The following CHFR variants were observed in gnomAD, a reference collection of about 807,000 sequenced individuals.
CHFR encodes checkpoint with forkhead and ring finger domains.
In CHFR, 57 loss-of-function variants were observed where a neutral mutation model predicts 87.6. That is an observed-to-expected ratio of 0.65 (90% CI 0.53 to 0.81). The LOEUF is 0.81. Among genes scored for constraint, CHFR ranks in the 30% least tolerant of loss-of-function variants. CHFR has a pLI of 0.00. For synonymous variants in CHFR, 381 were observed against 359.2 expected, an observed-to-expected ratio of 1.06 and a Z score of -0.69; for missense variants, 797 against 865.8, an observed-to-expected ratio of 0.92 and a Z score of 1.00.
intron 10 of CHFR, 178 bp from the exon 11 acceptor site, chr12:132,853,751 C>G (rs146337818): frequency 4.4e-6 from 3 of 686,590 alleles, no homozygotes; most frequent in Non-Finnish European, 6.8e-6. Context: ...GGGACCAGAA[C>G]GAGTCGAAGG....
rs1950699977 is a variant in CHFR, at chr12:132,841,337, G to A, written c.*217C>T. The A allele has an allele frequency of 7.3e-6, 4 of 550,320 alleles. No individual in the cohort carries two copies. Among genetic ancestry groups the A allele is most frequent in the Admixed American group, 3.3e-5 (1 of 30,296 alleles). 34.1% of individuals were successfully genotyped at this position (550,320 alleles called of 1,614,324 possible). A position where few individuals can be genotyped will look rare whatever the true frequency, so the allele number is the denominator to read the frequency against. Reference sequence around the variant, plus strand: ...GATGCCACCACGAGCCCTGCCCAGCGCTCACCAGGAGGGCGGGCTGCGGCC... The same window carrying A: ...GATGCCACCACGAGCCCTGCCCAGCACTCACCAGGAGGGCGGGCTGCGGCC... On this transcript the variant is annotated 3_prime_UTR_variant, in exon 18 of 18. Coordinates refer to ENST00000450056, the MANE Select transcript of CHFR (RefSeq NM_001161346.2).
chr12:132,856,608 ATCT>A lies in CHFR; in HGVS notation c.1086_1088del (p.Glu362del), dbSNP rs1951075030. ...TATTTCTGGCATCCATACTTTGCAC[ATCT>A]TCTTCACTGCGACTCTTGTCTAGAA... On this transcript the variant is annotated inframe_deletion, in exon 10 of 18. Transcript: ENST00000450056. 2 of 1,614,144 alleles carry A rather than the reference ATCT, an allele frequency of 1.2e-6. No individual in the cohort carries two copies. The highest frequency in any genetic ancestry group is 1.7e-6 in the Non-Finnish European group (2 of 1,179,986).
intron 6 of CHFR, chr12:132,862,289 A>T (rs1476685318): frequency 1.2e-5 from 3 of 250,418 alleles, no homozygotes; most frequent in Admixed American, 5.2e-5. Context: ...AAAAAAAAAT[A>T]AAAATAAAAA....
intron 2 of CHFR, among the ~76,000 whole-genome samples, chr12:132,885,461 T>C (rs1026433272): frequency 6.6e-6 from 1 of 151,912 alleles, no homozygotes; most frequent in Non-Finnish European, 1.5e-5. Context: ...AATAAATTTC[T>C]GTTGCTTAAG....
rs1950659602 is a variant in CHFR, at chr12:132,837,797, TCAGA to T, written c.*3753_*3756del. 6.6e-6 allele frequency: 1 copy of T among 152,234 alleles called. No individual in the cohort carries two copies. The highest frequency in any genetic ancestry group is 1.5e-5 in the Non-Finnish European group (1 of 68,116). 9.4% of individuals were successfully genotyped at this position (152,234 alleles called of 1,614,324 possible). ...CTTCTCTACACGGCTGCAGCCGCCCTCAGAAGGCGCAGGAGCTAGCGTGCATGCC... is the reference window on the plus strand; with the variant it reads ...CTTCTCTACACGGCTGCAGCCGCCCTAGGCGCAGGAGCTAGCGTGCATGCC... On this transcript the variant is annotated 3_prime_UTR_variant, in exon 18 of 18. Transcript: ENST00000450056.
chr12:132,865,653 CTTTTTTTT>C lies in CHFR; in HGVS notation c.583+3958_583+3965del, dbSNP rs57560560. On this transcript the variant is annotated intron_variant, in intron 6 of 17. Coordinates refer to ENST00000450056, the MANE Select transcript of CHFR (RefSeq NM_001161346.2). ...TTCCCAAAGTGCTGGGATTACAGGT[CTTTTTTTT>C]TTTTTTTTTTTTTTTTGAGATGGGC... 8.4e-3 allele frequency among the ~76,000 whole-genome samples: 488 copies of C among 58,248 alleles called. 2 individuals carry two copies. Among genetic ancestry groups the C allele is most frequent in the African/African-American group, 0.031 (461 of 15,018 alleles). The allele number at this position is 58,248 out of a possible 152,430, so 38.2% of individuals were successfully genotyped here. A position where few individuals can be genotyped will look rare whatever the true frequency, so the allele number is the denominator to read the frequency against.
At chr12:132,880,279 G>A (rs148702719) in intron 2 of CHFR, among the ~76,000 whole-genome samples, 83 of 152,236 alleles carry the variant, frequency 5.5e-4, no homozygotes, top group African/African-American at 1.9e-3. Context: ...TCTTAGTGCC[G>A]TTGGGTCTTG....
chr12:132,882,094 C>T (rs745584051), intron 2 of CHFR, among the ~76,000 whole-genome samples: 3 of 152,160 alleles, frequency 2.0e-5, no homozygotes, highest in Non-Finnish European at 4.4e-5. Flanking sequence ...AGACTGCACA[C>T]TTATGTTTAT....
intron 2 of CHFR, among the ~76,000 whole-genome samples, chr12:132,884,208 C>G (rs2137073537): frequency 6.6e-6 from 1 of 152,140 alleles, no homozygotes; most frequent in East Asian, 1.9e-4. Context: ...CACCTGAGGT[C>G]AGGAGTTCAA....
At chr12:132,844,251 C>A (rs1034550622) in intron 15 of CHFR, 117 bp from the exon 16 acceptor site, 8 of 658,216 alleles carry the variant, frequency 1.2e-5, no homozygotes, top group Non-Finnish European at 2.3e-5. Context: ...CAACGGGCGA[C>A]ACATTAGGAA....
At chr12:132,886,216 C>T (rs1951889809) in intron 2 of CHFR, among the ~76,000 whole-genome samples, 1 of 152,022 alleles carries the variant, frequency 6.6e-6, no homozygotes, top group African/African-American at 2.4e-5. Flanking sequence ...GAGGCTGAGG[C>T]GGGAGAATCA....
At chr12:132,847,297 C>T (rs930779004) in intron 14 of CHFR, 167 bp from the exon 15 acceptor site, 20 of 1,379,192 alleles carry the variant, frequency 1.5e-5, no homozygotes, top group African/African-American at 1.2e-4. Context: ...GCCTGCAGCA[C>T]GAGAAGTCTT....
intron 6 of CHFR, among the ~76,000 whole-genome samples, chr12:132,863,713 A>G (rs945885123): frequency 3.3e-5 from 5 of 152,146 alleles, no homozygotes; most frequent in East Asian, 1.9e-4. Flanking sequence ...AGCCAGAGTC[A>G]TAACGACAGG....
chr12:132,852,038 C>T (rs545741374), intron 11 of CHFR, among the ~76,000 whole-genome samples: 33 of 151,948 alleles, frequency 2.2e-4, no homozygotes, highest in Non-Finnish European at 4.7e-4. Flanking sequence ...GGCTGGACTG[C>T]AGTGGCGTGA....
intron 15 of CHFR, among the ~76,000 whole-genome samples, chr12:132,845,776 C>T (rs1950808795): frequency 7.4e-6 from 1 of 135,728 alleles, no homozygotes; most frequent in African/African-American, 2.5e-5. Flanking sequence ...TCACCAAGTC[C>T]CCGAGGGTCC....
rs1258809708 is a variant in CHFR, at chr12:132,869,922, C to T, written c.404-124G>A. On this transcript the variant is annotated intron_variant, in intron 5 of 17. Transcript: ENST00000450056. The stretch of plus-strand genomic sequence containing the variant: ...GAAATGCTCTTAAGAATGCAACAGC[C>T]CCAAGGCCAGGCACGGTGGTGCAGG... 17 of 1,181,070 alleles carry T rather than the reference C, an allele frequency of 1.4e-5. No individual in the cohort carries two copies. In the Admixed American group the frequency reaches 2.9e-4, roughly 20 times the overall value. 73.2% of individuals were successfully genotyped at this position (1,181,070 alleles called of 1,614,324 possible).
chr12:132,877,804 ATTT>A (rs529824922), intron 2 of CHFR, 150 bp from the exon 3 acceptor site: 8 of 383,878 alleles, frequency 2.1e-5, no homozygotes, highest in African/African-American at 4.4e-5. Context: ...ACATAAAGAA[ATTT>A]TTTTTTTTTT....
At chr12:132,887,393 C>A in intron 1 of CHFR, 53 bp from the exon 2 acceptor site, 1 of 1,220,932 alleles carries the variant, frequency 8.2e-7, no homozygotes, top group Non-Finnish European at 1.0e-6. Flanking sequence ...GAGGCCGAGA[C>A]TCGGCGCCCG....
At chr12:132,847,991 A>G in intron 14 of CHFR, 94 bp downstream of exon 14, 1 of 1,593,454 alleles carries the variant, frequency 6.3e-7, no homozygotes, top group Non-Finnish European at 8.6e-7. Flanking sequence ...GGGTCAGGTA[A>G]AACAGATAAA....
Sources: gnomAD v4.1 joint callset for allele counts (sites outside exome capture counted in the v4.1 genomes callset) on GRCh38, gnomAD v4.1.1 for gene constraint, MANE v1.5 for transcripts, NCBI Gene and HGNC (gene_info 2026-07-23, HGNC 2026-07-21) for gene names.